Variants in ACTL6A observed in about 807,000 individuals in gnomAD.
The protein encoded by ACTL6A is actin-like protein 6A.
In ACTL6A, 5 loss-of-function variants were observed where a neutral mutation model predicts 59.2. That is an observed-to-expected ratio of 0.08 (90% CI 0.04 to 0.18). The LOEUF is 0.18. Ranked by LOEUF, ACTL6A falls within the 10% of genes least tolerant of loss-of-function variation. The probability of loss-of-function intolerance (pLI) is 1.00; values close to 1 mark genes in which losing one functional copy is unlikely to be tolerated. For missense variants in ACTL6A, 285 were observed against 526.9 expected (o/e 0.54, Z 4.49); for synonymous variants, 154 against 171.8 (o/e 0.90, Z 0.81).
intron 12 of ACTL6A, 144 bp from the exon 13 acceptor site, chr3:179,586,402 A>G (rs1718489477): frequency 3.6e-6 from 2 of 560,642 alleles, no homozygotes; most frequent in Non-Finnish European, 2.8e-6. Context: ...AGATGGGCCG[A>G]TTGCTTGAGT....
In ACTL6A at chr3:179,588,338, A is replaced by G. The variant is rs1576862813; in HGVS notation, c.*328A>G. On this transcript the variant is annotated 3_prime_UTR_variant, in exon 14 of 14. Coordinates refer to ENST00000429709, the MANE Select transcript of ACTL6A (RefSeq NM_004301.5). Reference sequence around the variant, plus strand: ...TAGAACTGCTTTTTATTGACTAGTAAAAGTTACTGCCTATGCTTTTTACCT... The same window carrying G: ...TAGAACTGCTTTTTATTGACTAGTAGAAGTTACTGCCTATGCTTTTTACCT... 1 of 227,536 alleles carries G rather than the reference A, an allele frequency of 4.4e-6. No individual in the cohort carries two copies. The highest frequency in any genetic ancestry group is 5.5e-5 in the Admixed American group (1 of 18,106). 14.1% of individuals were successfully genotyped at this position (227,536 alleles called of 1,614,324 possible). A position where few individuals can be genotyped will look rare whatever the true frequency, so the allele number is the denominator to read the frequency against.
At chr3:179,582,576 ATAAT>A (rs1322988318) in intron 11 of ACTL6A, among the ~76,000 whole-genome samples, 4 of 152,348 alleles carry the variant, frequency 2.6e-5, no homozygotes, top group Admixed American at 1.3e-4. Flanking sequence ...TAATCATAAA[ATAAT>A]TGTCTAATTT....
chr3:179,572,183 A>G (rs1405434935), intron 3 of ACTL6A, among the ~76,000 whole-genome samples: 1 of 152,206 alleles, frequency 6.6e-6, no homozygotes, highest in Non-Finnish European at 1.5e-5. Context: ...ATTTTAACCA[A>G]TAGAGAATAA....
Position 179,574,545 on chromosome 3 carries a change from T to TA in ACTL6A, c.476+79dup. On this transcript the variant is annotated intron_variant, in intron 5 of 13. Transcript: ENST00000429709. ...AATATGATAACTCTGGGAGAAGACATACGCCAATTATTGCTTGTTCCGAAG... is the reference window on the plus strand; with the variant it reads ...AATATGATAACTCTGGGAGAAGACATAACGCCAATTATTGCTTGTTCCGAAG... 4 of 1,015,708 alleles carry TA rather than the reference T, an allele frequency of 3.9e-6. No individual in the cohort carries two copies. In the South Asian group the frequency reaches 4.1e-5, roughly 11 times the overall value. The allele number at this position is 1,015,708 out of a possible 1,614,324, so 62.9% of individuals were successfully genotyped here.
Position 179,579,031 on chromosome 3 carries a change from C to T in ACTL6A, c.769-1609C>T, listed in dbSNP as rs571705361. Among the ~76,000 whole-genome samples, 11 of 152,340 alleles carry T rather than the reference C, an allele frequency of 7.2e-5. No individual in the cohort carries two copies. In the East Asian group the frequency reaches 2.1e-3, roughly 29 times the overall value. On this transcript the variant is annotated intron_variant, in intron 8 of 13. Coordinates refer to ENST00000429709, the MANE Select transcript of ACTL6A (RefSeq NM_004301.5). ...GTGCTGGGATTACAGGCGTGAGCCA[C>T]TGTGCCCGGCCCTATTTTTTCACTT...
rs759381550 is a variant in ACTL6A, at chr3:179,569,917, A to T, written c.102+17A>T. On this transcript the variant is annotated intron_variant, in intron 2 of 13. Coordinates refer to ENST00000429709, the MANE Select transcript of ACTL6A (RefSeq NM_004301.5). Reference sequence around the variant, plus strand: ...TGCCCCAAGGTAAGTGTAATGTTAGAGTTAATTGGATATGTAAAGCCATTC... The same window carrying T: ...TGCCCCAAGGTAAGTGTAATGTTAGTGTTAATTGGATATGTAAAGCCATTC... The T allele has an allele frequency of 6.2e-7, 1 of 1,610,116 alleles. No individual in the cohort carries two copies. Among genetic ancestry groups the T allele is most frequent in the South Asian group, 1.1e-5 (1 of 90,856 alleles).
chr3:179,574,001 T>A (rs1263909100), intron 4 of ACTL6A, among the ~76,000 whole-genome samples: 1 of 152,184 alleles, frequency 6.6e-6, no homozygotes, highest in African/African-American at 2.4e-5. Flanking sequence ...ATACCAACTA[T>A]AAGTGGGAGA....
In ACTL6A at chr3:179,588,043, T is replaced by G. The variant is rs1718565117; in HGVS notation, c.*33T>G. 6.6e-7 allele frequency: 1 copy of G among 1,504,964 alleles called. No individual in the cohort carries two copies. Among genetic ancestry groups the G allele is most frequent in the African/African-American group, 1.4e-5 (1 of 70,746 alleles). 93.2% of individuals were successfully genotyped at this position (1,504,964 alleles called of 1,614,324 possible). On this transcript the variant is annotated 3_prime_UTR_variant, in exon 14 of 14. Coordinates refer to ENST00000429709, the MANE Select transcript of ACTL6A (RefSeq NM_004301.5). Reference sequence around the variant, plus strand: ...TTCCCAAGCTTCTACCTTCCTTTTGTCACCTTACGTTTCATAGCTTTAGTA... The same window carrying G: ...TTCCCAAGCTTCTACCTTCCTTTTGGCACCTTACGTTTCATAGCTTTAGTA...
At chr3:179,569,379 A>G (rs1717935994) in intron 1 of ACTL6A, among the ~76,000 whole-genome samples, 1 of 152,176 alleles carries the variant, frequency 6.6e-6, no homozygotes, top group Non-Finnish European at 1.5e-5. Context: ...TATTTCACCT[A>G]TATCTTTGCA....
rs1357047713 is a variant in ACTL6A at position 179,587,996 on chromosome 3, A to G, written c.1276A>G (p.Arg426Gly). The change falls in exon 14 of 14, where the codon AGA (arginine) becomes GGA (glycine). Residue 426 changes from arginine (R) to glycine (G), a missense_variant. Arg to Gly is a moderately radical substitution (Grantham distance 125). Transcript: ENST00000429709. ...YEEGGKQCVERKCP is the reference protein window; with the variant it reads ...YEEGGKQCVEGKCP ...AGAAGGAGGGAAGCAGTGTGTAGAA[A>G]GAAAATGCCCTTGAGAAAGAGTTCC... 1 of 1,603,168 alleles carries G rather than the reference A, an allele frequency of 6.2e-7. No individual in the cohort carries two copies. Among genetic ancestry groups the G allele is most frequent in the Non-Finnish European group, 8.5e-7 (1 of 1,177,130 alleles).
At chr3:179,586,779 A>G (rs1350259848) in intron 13 of ACTL6A, 147 bp downstream of exon 13, 4 of 633,380 alleles carry the variant, frequency 6.3e-6, no homozygotes, top group Non-Finnish European at 1.0e-5. Flanking sequence ...AACCAGTTTT[A>G]TGTGTTCTGA....
chr3:179,584,960 A>T (rs1222106154), intron 12 of ACTL6A, among the ~76,000 whole-genome samples: 2 of 152,228 alleles, frequency 1.3e-5, no homozygotes, highest in African/African-American at 2.4e-5. Flanking sequence ...TACGTGTGCC[A>T]CATTTCTATT....
At chr3:179,581,570 T>G (rs537781215) in intron 11 of ACTL6A, among the ~76,000 whole-genome samples, 55 of 152,358 alleles carry the variant, frequency 3.6e-4, no homozygotes, top group Non-Finnish European at 6.9e-4. Flanking sequence ...AGAAAGTTAT[T>G]GTAGACTGCG....
At chr3:179,577,406 C>A (rs1419404149) in intron 8 of ACTL6A, among the ~76,000 whole-genome samples, 2 of 151,974 alleles carry the variant, frequency 1.3e-5, no homozygotes, top group African/African-American at 4.8e-5. Context: ...AAACCCATCT[C>A]TGAACATATG....
chr3:179,588,039 T>C lies in ACTL6A; in HGVS notation c.*29T>C, dbSNP rs780621304. On this transcript the variant is annotated 3_prime_UTR_variant, in exon 14 of 14. Coordinates refer to ENST00000429709, the MANE Select transcript of ACTL6A (RefSeq NM_004301.5). ...AGAGTTCCCAAGCTTCTACCTTCCT[T>C]TTGTCACCTTACGTTTCATAGCTTT... is the stretch of plus-strand genomic sequence containing the variant. 7 of 1,523,472 alleles carry C rather than the reference T, an allele frequency of 4.6e-6. No homozygotes were observed. The highest frequency in any genetic ancestry group is 6.2e-6 in the Non-Finnish European group (7 of 1,120,466). The allele number at this position is 1,523,472 out of a possible 1,614,324, so 94.4% of individuals were successfully genotyped here.
intron 13 of ACTL6A, 139 bp from the exon 14 acceptor site, chr3:179,587,791 G>C: frequency 1.6e-6 from 1 of 612,864 alleles, no homozygotes; most frequent in Non-Finnish European, 2.7e-6. Context: ...CAAGAAGTTC[G>C]AGGTTGTAAG....
At position 179,583,374 on chromosome 3, in the gene ACTL6A, G is replaced by A; in HGVS notation, c.1048G>A (p.Val350Met). 2 of 1,613,126 alleles carry A rather than the reference G, an allele frequency of 1.2e-6. No individual in the cohort carries two copies. Among genetic ancestry groups the A allele is most frequent in the Non-Finnish European group, 1.7e-6 (2 of 1,179,484 alleles). Reference sequence around the variant, plus strand: ...CTAGGGTCTCTATGGCAGTGTAATAGTGGCAGGAGGAAACACACTAATACA... The same window carrying A: ...CTAGGGTCTCTATGGCAGTGTAATAATGGCAGGAGGAAACACACTAATACA... ...IRPGLYGSVI[V>M]AGGNTLIQSF... The change falls in exon 12 of 14, where the codon GTG becomes ATG. Residue 350 changes from valine (V) to methionine (M), a missense_variant. Physicochemically the swap from Val to Met is conservative, Grantham distance 21 (BLOSUM62 1). Coordinates refer to ENST00000429709, the MANE Select transcript of ACTL6A (RefSeq NM_004301.5).
At chr3:179,563,252 C>T (rs929645566) in intron 1 of ACTL6A, 135 bp downstream of exon 1, 74 of 1,401,478 alleles carry the variant, frequency 5.3e-5, no homozygotes, top group Non-Finnish European at 7.0e-5. Flanking sequence ...CCGCCCCGTC[C>T]CCGCCCCACG....
intron 8 of ACTL6A, among the ~76,000 whole-genome samples, chr3:179,579,225 T>C (rs1416191462): frequency 1.3e-5 from 2 of 152,170 alleles, no homozygotes; most frequent in Admixed American, 1.3e-4. Flanking sequence ...CACTTTTTAA[T>C]GAGGCTTTTT....
Sources: allele counts gnomAD v4.1 joint callset (sites outside exome capture counted in the v4.1 genomes callset), GRCh38; gene constraint gnomAD v4.1.1; transcripts MANE v1.5; gene names NCBI Gene and HGNC (gene_info 2026-07-23, HGNC 2026-07-21).